Variants in SPEF2 observed in about 807,000 individuals in gnomAD.
The protein encoded by SPEF2 is sperm flagellar and cilia associated 2.
Under a neutral mutation model 224.6 loss-of-function variants are expected in SPEF2, and 187 were observed. That is an observed-to-expected ratio of 0.83 (90% CI 0.74 to 0.94). SPEF2 has a LOEUF of 0.94. Ranked by LOEUF, SPEF2 falls within the 40% of genes least tolerant of loss-of-function variation. SPEF2 has a pLI of 0.00. For synonymous variants in SPEF2, 715 were observed against 707.3 expected, an observed-to-expected ratio of 1.01 and a Z score of -0.17; for missense variants, 2,170 against 2,135.6, an observed-to-expected ratio of 1.02 and a Z score of -0.32.
chr5:35,637,964 TTTG>T (rs1441448715), intron 2 of SPEF2, among the ~76,000 whole-genome samples: 1 of 152,168 alleles, frequency 6.6e-6, no homozygotes, highest in Non-Finnish European at 1.5e-5. Context: ...GTCCAATCCT[TTTG>T]TTGTTGTTGC....
At chr5:35,675,452 C>T (rs1053810231) in intron 10 of SPEF2, 61 of 152,908 alleles carry the variant, frequency 4.0e-4, no homozygotes, top group African/African-American at 1.4e-3. Context: ...ACCTCTAACT[C>T]CCTAAATTCC....
chr5:35,692,759 G>C, intron 12 of SPEF2, 35 bp downstream of exon 12: 1 of 1,587,922 alleles, frequency 6.3e-7, no homozygotes, highest in Non-Finnish European at 8.6e-7. Flanking sequence ...TCTGCGCCTA[G>C]TACATTAGAG....
chr5:35,766,711 G>T (rs142718771), intron 26 of SPEF2, among the ~76,000 whole-genome samples: 1 of 151,444 alleles, frequency 6.6e-6, no homozygotes, highest in Admixed American at 6.6e-5. Flanking sequence ...TTTCCCTAGG[G>T]ATTTGAGATA....
At chr5:35,724,088 C>A (rs753145292) in intron 20 of SPEF2, among the ~76,000 whole-genome samples, 6 of 152,086 alleles carry the variant, frequency 3.9e-5, no homozygotes, top group Admixed American at 6.5e-5. Flanking sequence ...TCACAATCAT[C>A]TATGAAGTAG....
intron 19 of SPEF2, chr5:35,710,240 A>G (rs1740820588): frequency 1.0e-6 from 1 of 984,736 alleles, no homozygotes; most frequent in Non-Finnish European, 1.2e-6. Context: ...AGGAAAATGG[A>G]AATATTTAAA....
intron 1 of SPEF2, among the ~76,000 whole-genome samples, chr5:35,621,363 G>T (rs927579261): frequency 3.4e-5 from 5 of 148,524 alleles, no homozygotes; most frequent in Non-Finnish European, 5.9e-5. Context: ...AAGAGGTATT[G>T]CCCTGGATGT....
At chr5:35,622,194 G>A (rs533051097) in intron 1 of SPEF2, among the ~76,000 whole-genome samples, 27 of 151,918 alleles carry the variant, frequency 1.8e-4, no homozygotes, top group South Asian at 1.7e-3. Flanking sequence ...TAATCTTTTC[G>A]TTTTATATTA....
intron 34 of SPEF2, among the ~76,000 whole-genome samples, chr5:35,802,086 T>C (rs1445034342): frequency 6.6e-6 from 1 of 152,108 alleles, no homozygotes; most frequent in Non-Finnish European, 1.5e-5. Flanking sequence ...GGGGGGAGCA[T>C]GGAATAAAAG....
At chr5:35,807,395 TA>T in intron 36 of SPEF2, 142 bp downstream of exon 36, 1 of 1,293,736 alleles carries the variant, frequency 7.7e-7, no homozygotes, top group Non-Finnish European at 1.1e-6. Context: ...GCTAAGCTGG[TA>T]ATCACATCAG....
intron 24 of SPEF2, among the ~76,000 whole-genome samples, chr5:35,756,812 C>A (rs551310038): frequency 6.6e-6 from 1 of 152,136 alleles, no homozygotes; most frequent in African/African-American, 2.4e-5. Context: ...ACAAGTGTAT[C>A]GACATATTTA....
intron 8 of SPEF2, among the ~76,000 whole-genome samples, chr5:35,664,698 A>AAGAG (rs3069747): frequency 3.8e-4 from 53 of 139,014 alleles, no homozygotes; most frequent in African/African-American, 1.2e-3. Context: ...GAAGGGAAAG[A>AAGAG]AGAGAGAGAG....
At chr5:35,786,979 G>A (rs903268232) in intron 30 of SPEF2, among the ~76,000 whole-genome samples, 13 of 152,012 alleles carry the variant, frequency 8.6e-5, no homozygotes, top group Non-Finnish European at 1.6e-4. Context: ...TGATAAAACA[G>A]GACAACATAA....
rs565350245 is a variant in SPEF2, at chr5:35,767,396, C to A, written c.3801+3694C>A. On this transcript the variant is annotated intron_variant, in intron 26 of 36. Coordinates refer to ENST00000356031, the MANE Select transcript of SPEF2 (RefSeq NM_024867.4). ...TCTGTGTCTTTTCTGCTTTTTTTCC[C>A]CTCTGTAAGTTTGGTCATCATGTAT... 1.1e-4 allele frequency among the ~76,000 whole-genome samples: 17 copies of A among 151,304 alleles called. No homozygotes were observed. The Middle Eastern group carries it at 0.01, about 92-fold the overall frequency.
At position 35,669,913 on chromosome 5, in the gene SPEF2, A is replaced by G. The variant is rs1042911818; in HGVS notation, c.1356-146A>G. 4 of 622,442 alleles carry G rather than the reference A, an allele frequency of 6.4e-6. No homozygotes were observed. The African/African-American group carries it at 7.6e-5, about 12-fold the overall frequency. 38.6% of individuals were successfully genotyped at this position (622,442 alleles called of 1,614,324 possible). On this transcript the variant is annotated intron_variant, in intron 9 of 36. Coordinates refer to ENST00000356031, the MANE Select transcript of SPEF2 (RefSeq NM_024867.4). ...TATATTAGTCTTATTGTCATTGCACATATGGTAACCTTTAAGATCATTTTT... is the reference window on the plus strand; with the variant it reads ...TATATTAGTCTTATTGTCATTGCACGTATGGTAACCTTTAAGATCATTTTT...
Position 35,719,228 on chromosome 5 carries a change from G to T in SPEF2, c.2914+6342G>T, listed in dbSNP as rs1743169724. On this transcript the variant is annotated intron_variant, in intron 20 of 36. Coordinates refer to ENST00000356031, the MANE Select transcript of SPEF2 (RefSeq NM_024867.4). ...ATTGCTGGTTGGTTCACAGAAGCAA[G>T]CAGGGTTAGTCTAAAATATAGGGGA... Among the ~76,000 whole-genome samples the T allele has an allele frequency of 2.0e-5, 3 of 152,172 alleles. No individual in the cohort carries two copies. The South Asian group carries it at 6.2e-4, about 31-fold the overall frequency.
intron 12 of SPEF2, among the ~76,000 whole-genome samples, chr5:35,692,941 C>T (rs563573974): frequency 9.2e-5 from 14 of 152,124 alleles, no homozygotes; most frequent in Non-Finnish European, 1.6e-4. Context: ...TATGTGGGTA[C>T]TTGTATAACA....
intron 15 of SPEF2, chr5:35,699,480 T>C (rs1007217906): frequency 2.0e-5 from 3 of 152,178 alleles, no homozygotes; most frequent in Non-Finnish European, 4.4e-5. Flanking sequence ...TAACTGAGAT[T>C]TTAAAAGACT....
chr5:35,722,226 G>A (rs1743815764), intron 20 of SPEF2, among the ~76,000 whole-genome samples: 1 of 152,156 alleles, frequency 6.6e-6, no homozygotes, highest in African/African-American at 2.4e-5. Context: ...GGGGAAGGCT[G>A]TGGTGGCTTG....
At chr5:35,652,283 A>ATAT (rs1178042756) in intron 6 of SPEF2, among the ~76,000 whole-genome samples, 2 of 152,180 alleles carry the variant, frequency 1.3e-5, no homozygotes, top group Non-Finnish European at 2.9e-5. Context: ...TTTGTTAAGT[A>ATAT]TATTATTGAC....
Sources: allele counts gnomAD v4.1 joint callset (sites outside exome capture counted in the v4.1 genomes callset), GRCh38; gene constraint gnomAD v4.1.1; transcripts MANE v1.5; gene names NCBI Gene and HGNC (gene_info 2026-07-23, HGNC 2026-07-21).